The following PRUNE2 variants were observed in gnomAD, a reference collection of about 807,000 sequenced individuals.
The protein encoded by PRUNE2 is prune homolog 2 with BCH domain.
In PRUNE2, 164 loss-of-function variants were observed where a neutral mutation model predicts 252.0. The ratio of observed to expected loss-of-function variants is 0.65; its 90% CI spans 0.57 to 0.74. PRUNE2 has a LOEUF of 0.74. PRUNE2 is among the 30% of genes least tolerant of loss of function. The pLI, the probability that PRUNE2 is intolerant of heterozygous loss-of-function variation, is 0.00. For synonymous variants in PRUNE2, 1,292 were observed against 1,350.2 expected (o/e 0.96, Z 0.94); for missense variants, 3,495 against 3,711.0 (o/e 0.94, Z 1.51).
At chr9:76,623,664 T>C (rs1327178624) in intron 17 of PRUNE2, among the ~76,000 whole-genome samples, 1 of 152,242 alleles carries the variant, frequency 6.6e-6, no homozygotes, top group Non-Finnish European at 1.5e-5. Flanking sequence ...AAATAATTTC[T>C]GTCCAGTGGA....
At chr9:76,619,628 T>C (rs914509438) in intron 17 of PRUNE2, among the ~76,000 whole-genome samples, 5 of 152,238 alleles carry the variant, frequency 3.3e-5, no homozygotes, top group Admixed American at 3.3e-4. Flanking sequence ...ACACCTCCAG[T>C]GGTCTCTTCT....
At chr9:76,638,660 C>T (rs1334852609) in intron 12 of PRUNE2, among the ~76,000 whole-genome samples, 1 of 152,130 alleles carries the variant, frequency 6.6e-6, no homozygotes, top group Non-Finnish European at 1.5e-5. Context: ...CATACTAATA[C>T]ATAAGTACTT....
Position 76,704,875 on chromosome 9 carries a change from CG to C in PRUNE2, c.7398del (p.Val2467PhefsTer5). 6.2e-7 allele frequency: 1 copy of C among 1,606,980 alleles called. No homozygotes were observed. Among genetic ancestry groups the C allele is most frequent in the South Asian group, 1.1e-5 (1 of 89,780 alleles). On this transcript the variant is annotated frameshift_variant, in exon 8 of 19. Coordinates refer to ENST00000376718, the MANE Select transcript of PRUNE2 (RefSeq NM_015225.3). LOFTEE classifies it high-confidence loss of function. ...GAGCCTGCTCCTACCGGCAAATAAACGGACTCAGGGTCTTCACGAATATGCA... is the reference window on the plus strand; with the variant it reads ...GAGCCTGCTCCTACCGGCAAATAAACGACTCAGGGTCTTCACGAATATGCA... Reference protein sequence around the residue: ...AVLHIREDPESVYLPVGAGSN... With the variant: ...AVLHIREDPEXVYLPVGAGSN...
chr9:76,763,610 G>A (rs2051980691), intron 6 of PRUNE2, among the ~76,000 whole-genome samples: 2 of 152,214 alleles, frequency 1.3e-5, no homozygotes, highest in South Asian at 2.1e-4. Context: ...AGAGGATCTG[G>A]TGTCGTCTAT....
intron 6 of PRUNE2, among the ~76,000 whole-genome samples, chr9:76,725,144 A>G (rs2047998739): frequency 6.6e-6 from 1 of 152,242 alleles, no homozygotes; most frequent in African/African-American, 2.4e-5. Context: ...AATTTCAAGA[A>G]AGCAGGAAAA....
intron 11 of PRUNE2, among the ~76,000 whole-genome samples, chr9:76,647,894 A>T (rs555258350): frequency 6.6e-6 from 1 of 152,130 alleles, no homozygotes; most frequent in Admixed American, 6.5e-5. Context: ...CCCAAGAGCT[A>T]GAGGTTGCAG....
At chr9:76,807,060 G>A (rs982197665) in intron 6 of PRUNE2, among the ~76,000 whole-genome samples, 8 of 151,082 alleles carry the variant, frequency 5.3e-5, no homozygotes, top group Admixed American at 6.6e-5. Flanking sequence ...GTGCGCGCGC[G>A]CGTGTGTCTG....
rs1171363180 is a variant in PRUNE2 at position 76,706,196 on chromosome 9, T to C, written c.6078A>G (p.Gln2026=). 1.9e-6 allele frequency: 3 copies of C among 1,613,864 alleles called. No homozygotes were observed. The highest frequency in any genetic ancestry group is 8.5e-7 in the Non-Finnish European group (1 of 1,179,892). The change falls in exon 8 of 19, where the codon CAA becomes CAG. Residue 2026 remains glutamine (Q), a synonymous_variant. Coordinates refer to ENST00000376718, the MANE Select transcript of PRUNE2 (RefSeq NM_015225.3). ...ATTCAGAGCCTGGCTTCATTATCAG[T>C]TGGGTGGGAGAACTGACAGCAGGAA... is the stretch of plus-strand genomic sequence containing the variant. ...ENFPAVSSPT[Q]LIMKPGSEWD...
intron 12 of PRUNE2, among the ~76,000 whole-genome samples, chr9:76,639,754 G>T (rs1021829915): frequency 1.3e-5 from 2 of 152,134 alleles, no homozygotes; most frequent in African/African-American, 4.8e-5. Flanking sequence ...ATGGAACTGA[G>T]GAGTGGAAGT....
intron 6 of PRUNE2, among the ~76,000 whole-genome samples, chr9:76,778,208 C>T (rs1261582277): frequency 6.6e-6 from 1 of 152,210 alleles, no homozygotes; most frequent in Non-Finnish European, 1.5e-5. Flanking sequence ...CTGAGGAAGA[C>T]TGCTGCAGGC....
chr9:76,703,244 G>T (rs2046039295), intron 9 of PRUNE2, 93 bp downstream of exon 9: 1 of 1,135,902 alleles, frequency 8.8e-7, no homozygotes. Context: ...CTATCATCCA[G>T]GTATTCCTCA....
intron 1 of PRUNE2, among the ~76,000 whole-genome samples, chr9:76,859,444 G>T (rs1277073235): frequency 2.6e-5 from 4 of 151,986 alleles, no homozygotes; most frequent in South Asian, 2.1e-4. Flanking sequence ...ATAAGCCTAG[G>T]CCCCTCCATT....
intron 9 of PRUNE2, among the ~76,000 whole-genome samples, chr9:76,676,389 G>T (rs2134089784): frequency 6.6e-6 from 1 of 150,784 alleles, no homozygotes; most frequent in South Asian, 2.1e-4. Flanking sequence ...TAAATGTATT[G>T]ACATAGAATG....
At chr9:76,683,005 ATAGT>A (rs1250102414) in intron 9 of PRUNE2, among the ~76,000 whole-genome samples, 19 of 152,188 alleles carry the variant, frequency 1.2e-4, no homozygotes, top group South Asian at 4.1e-4. Flanking sequence ...TTCAGATGTA[ATAGT>A]TAGCCCAGTG....
rs764845359 is a variant in PRUNE2, at chr9:76,709,370, G to A, written c.2904C>T (p.Ser968=). The part of the protein sequence containing the change: ...SVPSPLDTNY[S]TSDSYTSPTF... Reference sequence around the variant, plus strand: ...TTGGTGATGTGTAAGAGTCTGAGGTGGAATAATTGGTATCTAAGGGGGAAG... The same window carrying A: ...TTGGTGATGTGTAAGAGTCTGAGGTAGAATAATTGGTATCTAAGGGGGAAG... Residue 968 remains serine (S), a synonymous_variant, in exon 8 of 19, where the codon TCC becomes TCT. Coordinates refer to ENST00000376718, the MANE Select transcript of PRUNE2 (RefSeq NM_015225.3). The A allele has an allele frequency of 1.4e-5, 22 of 1,613,834 alleles. No individual in the cohort carries two copies. Among genetic ancestry groups the A allele is most frequent in the Non-Finnish European group, 1.8e-5 (21 of 1,179,882 alleles).
chr9:76,750,976 G>A (rs1438864845), intron 6 of PRUNE2, among the ~76,000 whole-genome samples: 1 of 152,152 alleles, frequency 6.6e-6, no homozygotes. Flanking sequence ...ACCAGACTAG[G>A]AGACAAGTAT....
At chr9:76,721,977 T>C (rs1298402634) in intron 6 of PRUNE2, among the ~76,000 whole-genome samples, 1 of 152,238 alleles carries the variant, frequency 6.6e-6, no homozygotes, top group Non-Finnish European at 1.5e-5. Context: ...AGATTTTATT[T>C]ATTTTGTTTT....
chr9:76,851,503 G>A (rs750368189), intron 2 of PRUNE2, among the ~76,000 whole-genome samples: 6 of 151,534 alleles, frequency 4.0e-5, no homozygotes, highest in African/African-American at 1.5e-4. Flanking sequence ...AGCCAAGATC[G>A]TGCCACTGCA....
chr9:76,874,924 T>C (rs2061398087), intron 1 of PRUNE2, among the ~76,000 whole-genome samples: 1 of 152,218 alleles, frequency 6.6e-6, no homozygotes, highest in Admixed American at 6.5e-5. Flanking sequence ...TAACAAATTA[T>C]AAAACAATAA....
Sources: gnomAD v4.1 joint callset for allele counts (sites outside exome capture counted in the v4.1 genomes callset) on GRCh38, gnomAD v4.1.1 for gene constraint, MANE v1.5 for transcripts, NCBI Gene and HGNC (gene_info 2026-07-23, HGNC 2026-07-21) for gene names.